Variants in ANKMY2 observed in about 807,000 individuals in gnomAD.
ANKMY2 encodes ankyrin repeat and MYND domain-containing protein 2.
Under a neutral mutation model 50.4 loss-of-function variants are expected in ANKMY2, and 36 were observed. That is an observed-to-expected ratio of 0.71 (90% CI 0.55 to 0.94). The LOEUF is 0.94. Ranked by LOEUF, ANKMY2 falls within the 40% of genes least tolerant of loss-of-function variation. The pLI, the probability that ANKMY2 is intolerant of heterozygous loss-of-function variation, is 0.00. For missense variants in ANKMY2, 565 were observed against 524.0 expected, an observed-to-expected ratio of 1.08 and a Z score of -0.76; for synonymous variants, 187 against 178.8, an observed-to-expected ratio of 1.05 and a Z score of -0.36.
chr7:16,628,498 A>C (rs991149506), intron 2 of ANKMY2, among the ~76,000 whole-genome samples: 1 of 134,948 alleles, frequency 7.4e-6, no homozygotes, highest in Non-Finnish European at 1.6e-5. Flanking sequence ...CAGAGATGGA[A>C]TATTAGTATG....
At chr7:16,614,356 A>G (rs1781307144) in intron 5 of ANKMY2, among the ~76,000 whole-genome samples, 1 of 152,226 alleles carries the variant, frequency 6.6e-6, no homozygotes, top group Non-Finnish European at 1.5e-5. Context: ...TTAGTATCAC[A>G]AGTGTTGCCT....
At chr7:16,611,444 A>T (rs1047313025) in intron 5 of ANKMY2, among the ~76,000 whole-genome samples, 8 of 152,202 alleles carry the variant, frequency 5.3e-5, no homozygotes, top group African/African-American at 1.9e-4. Flanking sequence ...TTATGCTCAA[A>T]TTTAGTGTAA....
Position 16,620,591 on chromosome 7 carries a change from TACACACACAC to T in ANKMY2, c.370+4382_370+4391del, listed in dbSNP as rs58418780. Among the ~76,000 whole-genome samples the T allele has an allele frequency of 2.0e-4, 29 of 145,600 alleles. 1 individual carries two copies. Among genetic ancestry groups the T allele is most frequent in the African/African-American group, 6.9e-4 (27 of 38,878 alleles). On this transcript the variant is annotated intron_variant, in intron 4 of 9. Coordinates refer to ENST00000306999, the MANE Select transcript of ANKMY2 (RefSeq NM_020319.3). ...CAATCACTTTAGGGAAATACATGTG[TACACACACAC>T]ACACACACACACACACACACACAGA...
intron 5 of ANKMY2, among the ~76,000 whole-genome samples, chr7:16,612,695 G>A (rs1781275177): frequency 6.6e-6 from 1 of 152,016 alleles, no homozygotes; most frequent in South Asian, 2.1e-4. Flanking sequence ...TTAATACACA[G>A]CACAAATATA....
At chr7:16,626,369 G>T (rs1436169377) in intron 3 of ANKMY2, among the ~76,000 whole-genome samples, 1 of 151,978 alleles carries the variant, frequency 6.6e-6, no homozygotes. Flanking sequence ...TCTATTTATG[G>T]TATATCCTAC....
At chr7:16,627,014 T>C (rs1781515394) in intron 3 of ANKMY2, 26 bp downstream of exon 3, 1 of 1,558,122 alleles carries the variant, frequency 6.4e-7, no homozygotes, top group African/African-American at 1.4e-5. Flanking sequence ...ATAGGTAACT[T>C]ATATTTATAA....
At chr7:16,614,165 G>C (rs1019467611) in intron 5 of ANKMY2, among the ~76,000 whole-genome samples, 5 of 152,206 alleles carry the variant, frequency 3.3e-5, no homozygotes. Flanking sequence ...GCCCATGCCT[G>C]AGAGAGTGCC....
chr7:16,632,691 T>A (rs899977026), intron 2 of ANKMY2, among the ~76,000 whole-genome samples: 3 of 152,246 alleles, frequency 2.0e-5, no homozygotes, highest in African/African-American at 7.2e-5. Flanking sequence ...TTGACTATTA[T>A]GAATAATGCT....
In ANKMY2 at chr7:16,645,438, C is replaced by T. The variant is rs2691547; in HGVS notation, c.67+69G>A. ...AGCCAAAGGTCACCCAGGCCAGGAGCGCCCCCCGGGCTCCGCCACGCCCCC... is the reference window on the plus strand; with the variant it reads ...AGCCAAAGGTCACCCAGGCCAGGAGTGCCCCCCGGGCTCCGCCACGCCCCC... On this transcript the variant is annotated intron_variant, in intron 1 of 9. Coordinates refer to ENST00000306999, the MANE Select transcript of ANKMY2 (RefSeq NM_020319.3). The T allele has an allele frequency of 2.7e-3, 3,953 of 1,467,024 alleles. 94 individuals are homozygous for T. In the African/African-American group the frequency reaches 0.05, roughly 19 times the overall value. The allele number at this position is 1,467,024 out of a possible 1,614,324, so 90.9% of individuals were successfully genotyped here. A position where few individuals can be genotyped will look rare whatever the true frequency, so the allele number is the denominator to read the frequency against.
chr7:16,645,486 G>T (rs772278456), intron 1 of ANKMY2, 21 bp downstream of exon 1: 2 of 1,592,580 alleles, frequency 1.3e-6, no homozygotes, highest in Non-Finnish European at 8.5e-7. Flanking sequence ...CCGCGGCCGC[G>T]TCGCAGCCCA....
chr7:16,636,523 A>G, intron 1 of ANKMY2, 68 bp from the exon 2 acceptor site: 1 of 1,298,682 alleles, frequency 7.7e-7, no homozygotes. Context: ...TCTAACATCA[A>G]GGAAATAAAC....
At chr7:16,638,511 C>G (rs997276819) in intron 1 of ANKMY2, among the ~76,000 whole-genome samples, 4 of 152,344 alleles carry the variant, frequency 2.6e-5, no homozygotes, top group African/African-American at 9.6e-5. Context: ...TCTTTCCAGG[C>G]ACTCATTCTT....
intron 4 of ANKMY2, among the ~76,000 whole-genome samples, chr7:16,617,908 A>G (rs1178102887): frequency 6.9e-6 from 1 of 145,752 alleles, no homozygotes; most frequent in Non-Finnish European, 1.5e-5. Flanking sequence ...TGGAGGCTAC[A>G]GTGAGCGTGT....
Position 16,622,359 on chromosome 7 carries a change from G to C in ANKMY2, c.370+2624C>G, listed in dbSNP as rs1044890249. Among the ~76,000 whole-genome samples, 5 of 152,102 alleles carry C rather than the reference G, an allele frequency of 3.3e-5. No individual in the cohort carries two copies. In the East Asian group the frequency reaches 9.6e-4, roughly 29 times the overall value. On this transcript the variant is annotated intron_variant, in intron 4 of 9. Coordinates refer to ENST00000306999, the MANE Select transcript of ANKMY2 (RefSeq NM_020319.3). ...TACCATCTTTTTAACTATCAGAGTG[G>C]CAAAAATCAAAGAATGGTAATACTC...
chr7:16,630,733 A>T (rs573021048), intron 2 of ANKMY2, among the ~76,000 whole-genome samples: 5 of 152,356 alleles, frequency 3.3e-5, no homozygotes, highest in African/African-American at 1.2e-4. Context: ...GGAAGAAAAT[A>T]ACATTAAGCA....
At chr7:16,622,672 G>A (rs111506300) in intron 4 of ANKMY2, among the ~76,000 whole-genome samples, 3,965 of 151,874 alleles carry the variant, frequency 0.026, 188 homozygotes, top group African/African-American at 0.09. Flanking sequence ...CCCGGGAGGC[G>A]GAGGTTGCAA....
intron 9 of ANKMY2, among the ~76,000 whole-genome samples, chr7:16,601,696 C>G (rs2240434): frequency 0.11 from 15,979 of 152,172 alleles, 1,083 homozygotes; most frequent in East Asian, 0.23. Flanking sequence ...ACCGAGGCAT[C>G]TTTTTCAAAT....
chr7:16,616,576 C>T (rs1329355515), intron 4 of ANKMY2, among the ~76,000 whole-genome samples: 1 of 152,284 alleles, frequency 6.6e-6, no homozygotes, highest in South Asian at 2.1e-4. Flanking sequence ...TGCGGCGCCC[C>T]CCCCTCCCTA....
At chr7:16,634,651 A>G (rs1432824777) in intron 2 of ANKMY2, among the ~76,000 whole-genome samples, 11 of 152,196 alleles carry the variant, frequency 7.2e-5, no homozygotes, top group Admixed American at 7.2e-4. Flanking sequence ...TACAAGGAAT[A>G]GCATCCAGTG....
Sources: allele counts gnomAD v4.1 joint callset (sites outside exome capture counted in the v4.1 genomes callset), GRCh38; gene constraint gnomAD v4.1.1; transcripts MANE v1.5; gene names NCBI Gene and HGNC (gene_info 2026-07-23, HGNC 2026-07-21).